Variants in EXOSC9 observed in about 807,000 individuals in gnomAD.
EXOSC9 encodes the protein exosome complex component RRP45.
In EXOSC9, 38 loss-of-function variants were observed where a neutral mutation model predicts 56.5. That is an observed-to-expected ratio of 0.67 (90% CI 0.52 to 0.88). EXOSC9 has a LOEUF of 0.88. EXOSC9 is among the 40% of genes least tolerant of loss of function. EXOSC9 has a pLI of 0.00. For synonymous variants in EXOSC9, 170 were observed against 170.8 expected (o/e 0.99, Z 0.04); for missense variants, 559 against 530.5 (o/e 1.05, Z -0.53).
chr4:121,815,946 G>A (rs1724482763), intron 10 of EXOSC9: 82 of 1,231,994 alleles, frequency 6.7e-5, no homozygotes, highest in Non-Finnish European at 8.0e-5. Context: ...CTGATTTAAA[G>A]AAAAGATTAA....
At position 121,802,977 on chromosome 4, in the gene EXOSC9, G is replaced by A. The variant is rs1726914275; in HGVS notation, c.344G>A (p.Cys115Tyr). Residue 115 changes from cysteine (C) to tyrosine (Y), a missense_variant, in exon 4 of 12, where the codon TGT becomes TAT. Transcript: ENST00000243498. ...LMERCLRNSKCIDTESLCVVA... is the reference protein window; with the variant it reads ...LMERCLRNSKYIDTESLCVVA... Reference sequence around the variant, plus strand: ...GAAAGATGTCTAAGAAATTCGAAGTGTATAGACACTGAGTCTCTCTGTGTT... The same window carrying A: ...GAAAGATGTCTAAGAAATTCGAAGTATATAGACACTGAGTCTCTCTGTGTT... 1.9e-6 allele frequency: 3 copies of A among 1,613,914 alleles called. No homozygotes were observed. The highest frequency in any genetic ancestry group is 1.1e-5 in the South Asian group (1 of 91,084).
intron 6 of EXOSC9, among the ~76,000 whole-genome samples, chr4:121,808,597 A>G (rs1405119008): frequency 6.6e-6 from 1 of 152,122 alleles, no homozygotes; most frequent in Non-Finnish European, 1.5e-5. Context: ...CCTGAGTTCA[A>G]AAGTGATCTA....
intron 8 of EXOSC9, 114 bp from the exon 9 acceptor site, chr4:121,813,120 C>T (rs894900173): frequency 1.0e-6 from 1 of 962,010 alleles, no homozygotes; most frequent in African/African-American, 1.7e-5. Flanking sequence ...AACTCTCTTC[C>T]AATATTTTTC....
intron 1 of EXOSC9, 75 bp downstream of exon 1, chr4:121,801,565 G>A (rs1404673667): frequency 7.2e-7 from 1 of 1,393,124 alleles, no homozygotes; most frequent in Non-Finnish European, 1.0e-6. Context: ...TACCTGGCCC[G>A]CCTGGGCCCG....
In EXOSC9 at chr4:121,801,386, C is replaced by T. The variant is rs1397016377; in HGVS notation, c.-39C>T. On this transcript the variant is annotated 5_prime_UTR_variant, in exon 1 of 12. Transcript: ENST00000243498. ...AGGAAAGATCGGGTTCCGTTTTTCC[C>T]GCGGATTCTGGTGCCTGTGGGGCCG... 1.9e-6 allele frequency: 3 copies of T among 1,599,734 alleles called. No individual in the cohort carries two copies. The highest frequency in any genetic ancestry group is 1.7e-4 in the Middle Eastern group (1 of 6,046).
intron 10 of EXOSC9, chr4:121,815,996 G>A: frequency 8.1e-7 from 1 of 1,230,678 alleles, no homozygotes; most frequent in Admixed American, 4.1e-5. Flanking sequence ...TTGGGATGGA[G>A]TCTTGCTCTG....
intron 5 of EXOSC9, among the ~76,000 whole-genome samples, chr4:121,806,038 C>T (rs1727011729): frequency 6.6e-6 from 1 of 152,112 alleles, no homozygotes; most frequent in Non-Finnish European, 1.5e-5. Context: ...CTCCTGGGCT[C>T]AAGTGATCCT....
rs773244593 is a variant in EXOSC9 at position 121,801,399 on chromosome 4, G to C, written c.-26G>C. ...TTCCGTTTTTCCCGCGGATTCTGGTGCCTGTGGGGCCGGTGACCCAACACC... is the reference window on the plus strand; with the variant it reads ...TTCCGTTTTTCCCGCGGATTCTGGTCCCTGTGGGGCCGGTGACCCAACACC... On this transcript the variant is annotated 5_prime_UTR_variant, in exon 1 of 12. Transcript: ENST00000243498. 6.2e-7 allele frequency: 1 copy of C among 1,609,478 alleles called. No homozygotes were observed. Among genetic ancestry groups the C allele is most frequent in the Non-Finnish European group, 8.5e-7 (1 of 1,175,772 alleles).
rs1724540295 is a variant in EXOSC9, at chr4:121,816,942, A to G, written c.*86A>G. The G allele has an allele frequency of 3.2e-6, 4 of 1,247,786 alleles. No individual in the cohort carries two copies. Among genetic ancestry groups the G allele is most frequent in the Non-Finnish European group, 4.3e-6 (4 of 935,326 alleles). The allele number at this position is 1,247,786 out of a possible 1,614,324, so 77.3% of individuals were successfully genotyped here. On this transcript the variant is annotated 3_prime_UTR_variant, in exon 12 of 12. Coordinates refer to ENST00000243498, the MANE Select transcript of EXOSC9 (RefSeq NM_005033.3). Reference sequence around the variant, plus strand: ...AACCCTGGGTATTTTTTATTCACAAATCCATTATAAAATCTAGCAGGATTT... The same window carrying G: ...AACCCTGGGTATTTTTTATTCACAAGTCCATTATAAAATCTAGCAGGATTT...
At chr4:121,816,118 G>A (rs781410030) in intron 10 of EXOSC9, 5 of 637,878 alleles carry the variant, frequency 7.8e-6, no homozygotes. Flanking sequence ...ACCACGCCTG[G>A]CTAATTTTTC....
In EXOSC9 at chr4:121,816,425, G is replaced by T; in HGVS notation, c.1213G>T (p.Asp405Tyr). The T allele has an allele frequency of 1.3e-6, 2 of 1,575,262 alleles. No individual in the cohort carries two copies. Among genetic ancestry groups the T allele is most frequent in the South Asian group, 1.2e-5 (1 of 85,398 alleles). Reference sequence around the variant, plus strand: ...AGAAGAAATGATCATTTTGGAACCAGACAAGAATCCAAAGAAAATAAGGTA... The same window carrying T: ...AGAAGAAATGATCATTTTGGAACCATACAAGAATCCAAAGAAAATAAGGTA... ...EEEEMIILEP[D>Y]KNPKKIRTQT... The change falls in exon 11 of 12, where the codon GAC (aspartate) becomes TAC (tyrosine). Residue 405 changes from aspartate to tyrosine, a missense_variant. Transcript: ENST00000243498.
At position 121,811,594 on chromosome 4, in the gene EXOSC9, C is replaced by T. The variant is rs1727213954; in HGVS notation, c.750C>T (p.Cys250=). Residue 250 remains cysteine, a synonymous_variant, in exon 8 of 12, where the codon TGC becomes TGT. Transcript: ENST00000243498. ...ACTTTTATAAATAGGTTCTGAGATG[C>T]AGTAAAATCGCTGGTGTGAAAGTAG... ...IMLLKDQVLR[C]SKIAGVKVAE... 1.3e-6 allele frequency: 2 copies of T among 1,576,068 alleles called. No individual in the cohort carries two copies. The highest frequency in any genetic ancestry group is 1.4e-5 in the African/African-American group (1 of 73,804).
intron 2 of EXOSC9, 56 bp downstream of exon 2, chr4:121,801,977 T>C: frequency 8.2e-7 from 1 of 1,212,572 alleles, no homozygotes; most frequent in African/African-American, 1.5e-5. Context: ...AAAAAAGACC[T>C]TATTGACTTG....
chr4:121,804,700 G>A lies in EXOSC9; in HGVS notation c.463G>A (p.Val155Met), dbSNP rs1435302717. Residue 155 changes from valine (V) to methionine (M), a missense_variant, in exon 5 of 12, where the codon GTG (valine) becomes ATG (methionine). Physicochemically the swap from Val to Met is conservative, Grantham distance 21 (BLOSUM62 1). Transcript: ENST00000243498. ...TGATGCTGCCAGCATTGCTGCAATC[G>A]TGGCCTTATGTCATTTCCGAAGACC... ...IIDAASIAAI[V>M]ALCHFRRPDV... The A allele has an allele frequency of 1.4e-5, 22 of 1,611,610 alleles. No individual in the cohort carries two copies. Among genetic ancestry groups the A allele is most frequent in the Non-Finnish European group, 1.6e-5 (19 of 1,178,154 alleles).
chr4:121,815,366 T>G (rs757980568), intron 10 of EXOSC9: 1 of 978,598 alleles, frequency 1.0e-6, no homozygotes, highest in Admixed American at 6.1e-5. Flanking sequence ...CTTCTAACAG[T>G]GAATAATATT....
At chr4:121,803,930 A>G (rs1378638555) in intron 4 of EXOSC9, among the ~76,000 whole-genome samples, 1 of 152,184 alleles carries the variant, frequency 6.6e-6, no homozygotes, top group African/African-American at 2.4e-5. Context: ...AATACTTCCT[A>G]TTTGCATTAC....
chr4:121,803,104 T>C (rs1159567433), intron 4 of EXOSC9, 87 bp downstream of exon 4: 12 of 948,512 alleles, frequency 1.3e-5, no homozygotes, highest in Non-Finnish European at 1.8e-5. Flanking sequence ...CTCAGAACTT[T>C]AGTTAACTCA....
intron 10 of EXOSC9, chr4:121,815,792 G>T: frequency 9.9e-7 from 1 of 1,011,496 alleles, no homozygotes; most frequent in Non-Finnish European, 1.2e-6. Context: ...CAATTCAGTT[G>T]TCTCTACAAA....
chr4:121,807,381 G>A lies in EXOSC9; in HGVS notation c.523-159G>A, dbSNP rs548198936. 3.8e-4 allele frequency among the ~76,000 whole-genome samples: 58 copies of A among 152,276 alleles called. No individual in the cohort carries two copies. The Middle Eastern group carries it at 0.01, about 27-fold the overall frequency. On this transcript the variant is annotated intron_variant, in intron 5 of 11. Transcript: ENST00000243498. ...GAAAAAGTTGTACAGTTTGAGGAAC[G>A]TGAGTGGCAAAATCAAACTGGTAAT...
Sources: gnomAD v4.1 joint callset for allele counts (sites outside exome capture counted in the v4.1 genomes callset) on GRCh38, gnomAD v4.1.1 for gene constraint, MANE v1.5 for transcripts, NCBI Gene and HGNC (gene_info 2026-07-23, HGNC 2026-07-21) for gene names.